Variants in FHOD3 observed in about 807,000 individuals in gnomAD.
FHOD3 encodes the protein FH1/FH2 domain-containing protein 3.
In FHOD3, 90 loss-of-function variants were observed where a neutral mutation model predicts 173.0. That is an observed-to-expected ratio of 0.52 (90% CI 0.44 to 0.62). The LOEUF is 0.62. FHOD3 is among the 20% of genes least tolerant of loss of function. The pLI is 0.00. For synonymous variants in FHOD3, 828 were observed against 823.0 expected, an observed-to-expected ratio of 1.01 and a Z score of -0.10; for missense variants, 1,945 against 2,034.7, an observed-to-expected ratio of 0.96 and a Z score of 0.85.
intron 5 of FHOD3, among the ~76,000 whole-genome samples, chr18:36,561,500 T>C (rs2058080363): frequency 6.6e-6 from 1 of 152,222 alleles, no homozygotes; most frequent in African/African-American, 2.4e-5. Flanking sequence ...GCTGTGGCTA[T>C]TAGGCTGCTA....
At chr18:36,332,571 CTCT>C (rs1334704390) in intron 1 of FHOD3, among the ~76,000 whole-genome samples, 1 of 152,230 alleles carries the variant, frequency 6.6e-6, no homozygotes, top group Non-Finnish European at 1.5e-5. Flanking sequence ...TCTCTGCATT[CTCT>C]TCAACCCAAT....
intron 3 of FHOD3, among the ~76,000 whole-genome samples, chr18:36,437,773 C>G (rs2050897922): frequency 1.3e-5 from 2 of 151,162 alleles, no homozygotes; most frequent in Admixed American, 6.6e-5. Context: ...AAATGATTCT[C>G]CTGCCTCAGC....
intron 3 of FHOD3, among the ~76,000 whole-genome samples, chr18:36,445,992 C>G (rs2051448437): frequency 6.6e-6 from 1 of 152,214 alleles, no homozygotes; most frequent in African/African-American, 2.4e-5. Context: ...GTAGGGCTTC[C>G]CTCCAGGTCT....
At chr18:36,602,855 A>G in intron 8 of FHOD3, 87 bp downstream of exon 8, 1 of 1,012,334 alleles carries the variant, frequency 9.9e-7, no homozygotes, top group South Asian at 1.3e-5. Flanking sequence ...TTGTGGGCTT[A>G]TTTGGAAATA....
intron 3 of FHOD3, among the ~76,000 whole-genome samples, chr18:36,458,458 G>C (rs1212736913): frequency 6.6e-6 from 1 of 152,098 alleles, no homozygotes; most frequent in Non-Finnish European, 1.5e-5. Flanking sequence ...CTACAAGTGT[G>C]TGCATATCAT....
At chr18:36,333,564 C>T (rs551843311) in intron 1 of FHOD3, among the ~76,000 whole-genome samples, 17 of 152,324 alleles carry the variant, frequency 1.1e-4, no homozygotes, top group African/African-American at 1.7e-4. Context: ...GTGAACAGTC[C>T]ACCACGTTTA....
intron 3 of FHOD3, among the ~76,000 whole-genome samples, chr18:36,434,865 T>C (rs548365226): frequency 6.6e-6 from 1 of 152,190 alleles, no homozygotes; most frequent in Non-Finnish European, 1.5e-5. Flanking sequence ...GAAATAAAAT[T>C]GATATTTTTA....
At position 36,489,667 on chromosome 18, in the gene FHOD3, G is replaced by A. The variant is rs986838099; in HGVS notation, c.338-12265G>A. On this transcript the variant is annotated intron_variant, in intron 3 of 28. Transcript: ENST00000590592. ...AGCCTGGGTGACAGAGTGAGACCCT[G>A]TCTCAAAAAATAAATAATGTTAAAA... is the stretch of plus-strand genomic sequence containing the variant. Among the ~76,000 whole-genome samples, 44 of 152,058 alleles carry A rather than the reference G, an allele frequency of 2.9e-4. 1 individual carries two copies. Among genetic ancestry groups the A allele is most frequent in the African/African-American group, 1.1e-3 (44 of 41,390 alleles).
chr18:36,632,597 A>G (rs1024053826), intron 10 of FHOD3, among the ~76,000 whole-genome samples: 1 of 152,180 alleles, frequency 6.6e-6, no homozygotes, highest in African/African-American at 2.4e-5. Context: ...ATGGTGTCCA[A>G]TTCGTGAGTC....
intron 3 of FHOD3, among the ~76,000 whole-genome samples, chr18:36,411,340 C>A (rs535731329): frequency 1.3e-5 from 2 of 152,158 alleles, no homozygotes; most frequent in African/African-American, 2.4e-5. Context: ...TCTTTGGGAT[C>A]CGTTGTGAAG....
intron 9 of FHOD3, among the ~76,000 whole-genome samples, chr18:36,615,051 TG>T (rs1725615010): frequency 6.6e-6 from 1 of 151,986 alleles, no homozygotes; most frequent in African/African-American, 2.4e-5. Context: ...GGTTTCTCCA[TG>T]TTGGTCAGGC....
intron 1 of FHOD3, among the ~76,000 whole-genome samples, chr18:36,320,315 C>T (rs2044330568): frequency 6.6e-6 from 1 of 152,056 alleles, no homozygotes; most frequent in South Asian, 2.1e-4. Flanking sequence ...ACCACCGATC[C>T]CACAGAAATA....
chr18:36,513,181 T>TAAAA lies in FHOD3; in HGVS notation c.511+649_511+652dup, dbSNP rs59461055. On this transcript the variant is annotated intron_variant, in intron 5 of 28. Transcript: ENST00000590592. ...TTCATATAAATTTCATTTGATCCTG[T>TAAAA]AAAAAAAAAAAAAACAAATAACAAA... is the stretch of plus-strand genomic sequence containing the variant. Among the ~76,000 whole-genome samples, 5 of 141,918 alleles carry TAAAA rather than the reference T, an allele frequency of 3.5e-5. No homozygotes were observed. The South Asian group carries it at 6.6e-4, about 19-fold the overall frequency. 93.1% of individuals were successfully genotyped at this position (141,918 alleles called of 152,430 possible). A position where few individuals can be genotyped will look rare whatever the true frequency, so the allele number is the denominator to read the frequency against.
chr18:36,298,797 A>G (rs1249835724), intron 1 of FHOD3, among the ~76,000 whole-genome samples: 2 of 151,646 alleles, frequency 1.3e-5, no homozygotes, highest in Non-Finnish European at 2.9e-5. Context: ...TTTAAATAAA[A>G]CCTTTTGCAG....
At chr18:36,551,470 T>A (rs1047921316) in intron 5 of FHOD3, among the ~76,000 whole-genome samples, 8 of 152,058 alleles carry the variant, frequency 5.3e-5, no homozygotes, top group African/African-American at 1.2e-4. Flanking sequence ...TTGATTAATT[T>A]ATTTAATTAA....
chr18:36,408,965 AG>A (rs1793426005), intron 3 of FHOD3, among the ~76,000 whole-genome samples: 1 of 152,068 alleles, frequency 6.6e-6, no homozygotes, highest in South Asian at 2.1e-4. Context: ...TATTGCGAGG[AG>A]GGGCTCACTC....
At chr18:36,732,120 G>T (rs952059893) in intron 20 of FHOD3, among the ~76,000 whole-genome samples, 5 of 152,170 alleles carry the variant, frequency 3.3e-5, no homozygotes, top group African/African-American at 1.2e-4. Context: ...AATGCCATGT[G>T]ATGACGGAGG....
chr18:36,652,529 T>C, intron 11 of FHOD3, 41 bp from the exon 12 acceptor site: 2 of 1,494,044 alleles, frequency 1.3e-6, no homozygotes, highest in Non-Finnish European at 1.8e-6. Context: ...CTCTCCCAAA[T>C]CTTTTTTTCT....
At chr18:36,421,239 G>T (rs781542960) in intron 3 of FHOD3, among the ~76,000 whole-genome samples, 23 of 152,210 alleles carry the variant, frequency 1.5e-4, no homozygotes, top group African/African-American at 5.5e-4. Flanking sequence ...CACAATGATA[G>T]TCACGTGTAG....
Sources: gnomAD v4.1 joint callset for allele counts (sites outside exome capture counted in the v4.1 genomes callset) on GRCh38, gnomAD v4.1.1 for gene constraint, MANE v1.5 for transcripts, NCBI Gene and HGNC (gene_info 2026-07-23, HGNC 2026-07-21) for gene names.